Variants in TUSC3 observed in about 807,000 individuals in gnomAD.
TUSC3 encodes the protein tumor suppressor candidate 3, also known as dolichyl-diphosphooligosaccharide--protein glycosyltransferase subunit TUSC3.
Under a neutral mutation model 44.8 loss-of-function variants are expected in TUSC3, and 45 were observed. That is an observed-to-expected ratio of 1.00 (90% CI 0.79 to 1.29). The LOEUF (loss-of-function observed/expected upper bound fraction) is 1.29, where lower values mean the gene tolerates loss of function less well. Ranked by LOEUF, TUSC3 falls within the 50% of genes most tolerant of loss-of-function variation. The probability of loss-of-function intolerance (pLI) is 0.00; values close to 1 mark genes in which losing one functional copy is unlikely to be tolerated. For synonymous variants in TUSC3, 212 were observed against 152.9 expected (o/e 1.39, Z -2.85); for missense variants, 519 against 437.9 (o/e 1.19, Z -1.65).
chr8:15,627,975 A>G (rs916466770), intron 2 of TUSC3, among the ~76,000 whole-genome samples: 5 of 152,214 alleles, frequency 3.3e-5, no homozygotes, highest in African/African-American at 1.2e-4. Flanking sequence ...AGAGGTTTCC[A>G]TCTGGCGAAG....
chr8:15,483,961 A>G (rs1193948657), intron 2 of TUSC3, among the ~76,000 whole-genome samples: 1 of 151,976 alleles, frequency 6.6e-6, no homozygotes, highest in East Asian at 1.9e-4. Context: ...CTGGCCTGTG[A>G]TTTTTAACTA....
chr8:15,696,427 A>G (rs1376506690), intron 6 of TUSC3, among the ~76,000 whole-genome samples: 3 of 152,176 alleles, frequency 2.0e-5, no homozygotes, highest in Non-Finnish European at 4.4e-5. Flanking sequence ...TCAAAGCAGA[A>G]GTTTGATGCA....
At chr8:15,692,504 A>G (rs1276388337) in intron 6 of TUSC3, among the ~76,000 whole-genome samples, 1 of 141,748 alleles carries the variant, frequency 7.1e-6, no homozygotes, top group Non-Finnish European at 1.5e-5. Flanking sequence ...TAGGCTTTTT[A>G]TTACTTATTC....
At chr8:15,644,277 G>A (rs1206794588) in intron 2 of TUSC3, among the ~76,000 whole-genome samples, 2 of 152,128 alleles carry the variant, frequency 1.3e-5, no homozygotes, top group Non-Finnish European at 2.9e-5. Context: ...TCCTTTTGAC[G>A]CAGCGTGACT....
intron 6 of TUSC3, among the ~76,000 whole-genome samples, chr8:15,679,772 G>A (rs1808338171): frequency 6.6e-6 from 1 of 151,992 alleles, no homozygotes; most frequent in South Asian, 2.1e-4. Context: ...TTGTATATAT[G>A]GAAAGCTAGG....
the TUSC3 span, among the ~76,000 whole-genome samples, chr8:15,825,504 C>G: frequency 6.6e-6 from 1 of 152,058 alleles, no homozygotes. Flanking sequence ...AGGTCCCTCC[C>G]ACAACATGAA....
rs762542037 is a variant in TUSC3, at chr8:15,623,196, C to T, written c.255C>T (p.Ser85=). 55 of 1,613,152 alleles carry T rather than the reference C, an allele frequency of 3.4e-5. No individual in the cohort carries two copies. In the South Asian group the frequency reaches 5.9e-4, roughly 17 times the overall value. ...KFIKAPPRNY[S]MIVMFTALQP... The stretch of plus-strand genomic sequence containing the variant: ...TAAAGGCACCACCTCGAAACTATTC[C>T]ATGATTGTTATGTTCACTGCTCTTC... Residue 85 remains serine (S), a synonymous_variant, in exon 2 of 11, where the codon TCC becomes TCT. Coordinates refer to ENST00000503731, the MANE Select transcript of TUSC3 (RefSeq NM_006765.4).
chr8:15,735,337 C>A (rs1335466791), intron 7 of TUSC3, among the ~76,000 whole-genome samples: 1 of 152,078 alleles, frequency 6.6e-6, no homozygotes, highest in Non-Finnish European at 1.5e-5. Context: ...GAACAGGAAT[C>A]AGAGATGATT....
intron 1 of TUSC3, among the ~76,000 whole-genome samples, chr8:15,594,582 C>G (rs894938220): frequency 7.2e-5 from 11 of 152,208 alleles, no homozygotes; most frequent in South Asian, 2.1e-4. Context: ...ATTTGTTAGG[C>G]AGGATTGGAG....
the TUSC3 span, among the ~76,000 whole-genome samples, chr8:15,820,725 A>C: frequency 6.6e-6 from 1 of 152,082 alleles, no homozygotes; most frequent in Non-Finnish European, 1.5e-5. Flanking sequence ...TTTCTGAAAA[A>C]TTTTCTGTGA....
intron 1 of TUSC3, among the ~76,000 whole-genome samples, chr8:15,467,051 G>A (rs182268116): frequency 1.0e-3 from 157 of 152,102 alleles, no homozygotes; most frequent in Non-Finnish European, 1.6e-3. Flanking sequence ...AGGACAAATC[G>A]AGATAAGTGT....
intron 1 of TUSC3, among the ~76,000 whole-genome samples, chr8:15,478,636 C>T (rs1461020882): frequency 6.6e-6 from 1 of 152,130 alleles, no homozygotes; most frequent in East Asian, 1.9e-4. Context: ...CATAGTATTC[C>T]ATGATATATA....
the TUSC3 span, among the ~76,000 whole-genome samples, chr8:15,827,654 C>G: frequency 6.6e-6 from 1 of 152,130 alleles, no homozygotes; most frequent in African/African-American, 2.4e-5. Context: ...CTAATGTGTA[C>G]ATTTGATCTT....
chr8:15,753,177 T>C (rs1047426897), intron 9 of TUSC3, among the ~76,000 whole-genome samples: 2 of 152,066 alleles, frequency 1.3e-5, no homozygotes, highest in African/African-American at 4.8e-5. Context: ...TTGTTCTTTC[T>C]TATCTGAATT....
At chr8:15,628,577 T>C (rs1805621226) in intron 2 of TUSC3, among the ~76,000 whole-genome samples, 1 of 152,056 alleles carries the variant, frequency 6.6e-6, no homozygotes, top group Non-Finnish European at 1.5e-5. Context: ...AAAGAACAGG[T>C]TAAAGTTAAA....
intron 2 of TUSC3, among the ~76,000 whole-genome samples, chr8:15,505,962 A>C (rs191009664): frequency 6.7e-4 from 102 of 152,290 alleles, no homozygotes; most frequent in Non-Finnish European, 1.3e-3. Flanking sequence ...GGCTAAAAGC[A>C]ATTTTTAAAA....
intron 7 of TUSC3, among the ~76,000 whole-genome samples, chr8:15,734,042 C>G (rs750651267): frequency 1.5e-4 from 23 of 152,080 alleles, no homozygotes; most frequent in Non-Finnish European, 3.2e-4. Context: ...GACCCCGTCT[C>G]CAAAAAAGAA....
the TUSC3 span, among the ~76,000 whole-genome samples, chr8:15,845,206 A>C: frequency 0.03 from 4,597 of 152,200 alleles, 237 homozygotes; most frequent in African/African-American, 0.1. Context: ...TTGAGTGGTA[A>C]GTCTAATCAG....
In TUSC3 at chr8:15,751,705, C is replaced by G. The variant is rs560267623; in HGVS notation, c.1028+3240C>G. Among the ~76,000 whole-genome samples, 17 of 152,194 alleles carry G rather than the reference C, an allele frequency of 1.1e-4. No homozygotes were observed. The South Asian group carries it at 3.5e-3, about 32-fold the overall frequency. On this transcript the variant is annotated intron_variant, in intron 9 of 10. Coordinates refer to ENST00000503731, the MANE Select transcript of TUSC3 (RefSeq NM_006765.4). ...TGACAAGTACCTATAAAAGTTAACA[C>G]CACCAAATATGTGACCAGAGTAGTA... is the stretch of plus-strand genomic sequence containing the variant.
Sources: allele counts gnomAD v4.1 joint callset (sites outside exome capture counted in the v4.1 genomes callset), GRCh38; gene constraint gnomAD v4.1.1; transcripts MANE v1.5; gene names NCBI Gene and HGNC (gene_info 2026-07-23, HGNC 2026-07-21).